The following HPSE2 variants were observed in gnomAD, a reference collection of about 807,000 sequenced individuals.
The protein encoded by HPSE2 is heparanase 2 (inactive).
Under a neutral mutation model 60.5 loss-of-function variants are expected in HPSE2, and 38 were observed. That is an observed-to-expected ratio of 0.63 (90% CI 0.48 to 0.82). The LOEUF (loss-of-function observed/expected upper bound fraction) is 0.82, where lower values mean the gene tolerates loss of function less well. Among genes scored for constraint, HPSE2 ranks in the 40% least tolerant of loss-of-function variants. The pLI is 0.00. For synonymous variants in HPSE2, 295 were observed against 293.2 expected (o/e 1.01, Z -0.06); for missense variants, 713 against 740.4 (o/e 0.96, Z 0.43).
intron 5 of HPSE2, among the ~76,000 whole-genome samples, chr10:98,703,081 C>G (rs1178239282): frequency 6.6e-6 from 1 of 151,970 alleles, no homozygotes. Context: ...CAAACAGACA[C>G]AATAAAAAAT....
chr10:99,302,355 G>A, the HPSE2 span, among the ~76,000 whole-genome samples: 1 of 144,848 alleles, frequency 6.9e-6, no homozygotes, highest in African/African-American at 2.4e-5. Context: ...TGAGATCCTG[G>A]AACTTTTAGA....
intron 9 of HPSE2, among the ~76,000 whole-genome samples, chr10:98,530,547 T>C (rs1377070551): frequency 6.6e-6 from 1 of 152,216 alleles, no homozygotes; most frequent in Non-Finnish European, 1.5e-5. Flanking sequence ...CATGAGGTCA[T>C]ACAGGAGAGC....
chr10:98,850,131 G>T (rs1952134155), intron 3 of HPSE2, among the ~76,000 whole-genome samples: 1 of 152,058 alleles, frequency 6.6e-6, no homozygotes, highest in Non-Finnish European at 1.5e-5. Context: ...ATTCAATACA[G>T]CAATGGCATC....
At chr10:98,520,493 G>C (rs1369215777) in intron 9 of HPSE2, among the ~76,000 whole-genome samples, 1 of 152,026 alleles carries the variant, frequency 6.6e-6, no homozygotes, top group Non-Finnish European at 1.5e-5. Context: ...GCTTTCACAG[G>C]GCCCACTAAA....
intron 9 of HPSE2, among the ~76,000 whole-genome samples, chr10:98,543,931 A>C (rs1316655482): frequency 1.3e-5 from 2 of 150,958 alleles, no homozygotes; most frequent in Non-Finnish European, 3.0e-5. Flanking sequence ...AAAGACAGAA[A>C]GTTAACAAGG....
intron 9 of HPSE2, among the ~76,000 whole-genome samples, chr10:98,565,159 T>TTG (rs879638158): frequency 7.0e-4 from 106 of 150,386 alleles, no homozygotes; most frequent in Non-Finnish European, 1.3e-3. Context: ...CTTGAAGAAT[T>TTG]TTTTTTTTTT....
rs563797895 is a variant in HPSE2 at position 98,687,028 on chromosome 10, A to G, written c.1004+6872T>C. Among the ~76,000 whole-genome samples, 11 of 152,058 alleles carry G rather than the reference A, an allele frequency of 7.2e-5. No individual in the cohort carries two copies. The South Asian group carries it at 2.1e-3, about 29-fold the overall frequency. ...AAGTGTTTCTAAATTTCCAACTATG[A>G]TAGTGGATTTTTCTATTTTTTTCTC... On this transcript the variant is annotated intron_variant, in intron 6 of 11. Transcript: ENST00000370552.
chr10:98,858,600 C>G (rs1952375100), intron 3 of HPSE2, among the ~76,000 whole-genome samples: 4 of 152,074 alleles, frequency 2.6e-5, no homozygotes, highest in Admixed American at 2.6e-4. Flanking sequence ...CTGAAAAAGC[C>G]TCTGTGGAAT....
intron 3 of HPSE2, among the ~76,000 whole-genome samples, chr10:98,943,225 G>C (rs953262066): frequency 2.0e-5 from 3 of 149,412 alleles, no homozygotes; most frequent in Non-Finnish European, 4.5e-5. Flanking sequence ...AAAACTTAAA[G>C]TATAATAATA....
chr10:99,163,627 T>C (rs1355336041), intron 2 of HPSE2, among the ~76,000 whole-genome samples: 1 of 152,234 alleles, frequency 6.6e-6, no homozygotes, highest in Non-Finnish European at 1.5e-5. Flanking sequence ...ATTAGGTGCA[T>C]ACTTTATTTA....
chr10:98,703,141 GA>G (rs1355734837), intron 5 of HPSE2, among the ~76,000 whole-genome samples: 1 of 152,126 alleles, frequency 6.6e-6, no homozygotes, highest in East Asian at 1.9e-4. Context: ...ACTACCATCA[GA>G]AAATGCTATA....
intron 11 of HPSE2, among the ~76,000 whole-genome samples, chr10:98,476,803 G>A (rs896089216): frequency 2.6e-5 from 4 of 151,854 alleles, no homozygotes; most frequent in Admixed American, 1.3e-4. Flanking sequence ...AAAAAGGGGC[G>A]GGACGGTCTG....
chr10:98,545,216 A>C lies in HPSE2; in HGVS notation c.1321-55020T>G, dbSNP rs559101865. Among the ~76,000 whole-genome samples, 88 of 152,054 alleles carry C rather than the reference A, an allele frequency of 5.8e-4. 2 individuals carry two copies. Among genetic ancestry groups the C allele is most frequent in the Admixed American group, 5.8e-3 (88 of 15,270 alleles). On this transcript the variant is annotated intron_variant, in intron 9 of 11. Coordinates refer to ENST00000370552, the MANE Select transcript of HPSE2 (RefSeq NM_021828.5). The stretch of plus-strand genomic sequence containing the variant: ...CCAGATGGATTCACAGCCAAATTCT[A>C]CCAGAGGTACAAGGAGGAACTGGTA...
At chr10:98,494,431 T>C (rs1280464418) in intron 9 of HPSE2, among the ~76,000 whole-genome samples, 1 of 152,158 alleles carries the variant, frequency 6.6e-6, no homozygotes, top group Non-Finnish European at 1.5e-5. Flanking sequence ...CACTTTTAAA[T>C]AAGGAAGAGG....
rs1849731017 is a variant in HPSE2 at position 99,233,343 on chromosome 10, CTTGGGGCCG to C, written c.291-847_291-839del. Among the ~76,000 whole-genome samples, 6 of 152,190 alleles carry C rather than the reference CTTGGGGCCG, an allele frequency of 3.9e-5. No homozygotes were observed. In the South Asian group the frequency reaches 1.2e-3, roughly 32 times the overall value. ...TAGGCTCCATCTTTCTTCTTTCCCACTTGGGGCCGTTTGGAACCGCTAGGGAAAATGAAG... is the reference window on the plus strand; with the variant it reads ...TAGGCTCCATCTTTCTTCTTTCCCACTTTGGAACCGCTAGGGAAAATGAAG... On this transcript the variant is annotated intron_variant, in intron 1 of 11. Coordinates refer to ENST00000370552, the MANE Select transcript of HPSE2 (RefSeq NM_021828.5).
rs1565129796 is a variant in HPSE2 at position 98,744,054 on chromosome 10, T to C, written c.613A>G (p.Arg205Gly). Residue 205 changes from arginine (R) to glycine (G), a missense_variant and splice_region_variant, in exon 4 of 12, where the codon AGG becomes GGG. By Grantham distance (125) the Arg-to-Gly change is moderately radical. Coordinates refer to ENST00000370552, the MANE Select transcript of HPSE2 (RefSeq NM_021828.5). ...NTYSNLILTA[R>G]SLDKLYNFAD... The stretch of plus-strand genomic sequence containing the variant: ...AAGTTATAAAGTTTGTCTAGAGACC[T>C]GGCTGGGAAGAAGCAGAGAAAGGCT... 2 of 1,613,932 alleles carry C rather than the reference T, an allele frequency of 1.2e-6. No homozygotes were observed. The highest frequency in any genetic ancestry group is 1.7e-6 in the Non-Finnish European group (2 of 1,179,870).
chr10:99,131,652 C>T (rs1845389008), intron 3 of HPSE2, among the ~76,000 whole-genome samples: 1 of 152,080 alleles, frequency 6.6e-6, no homozygotes, highest in Admixed American at 6.5e-5. Flanking sequence ...ATTGGAAAAC[C>T]AAACATTGTA....
intron 9 of HPSE2, among the ~76,000 whole-genome samples, chr10:98,494,142 AAATTT>A (rs1027681947): frequency 1.3e-5 from 2 of 152,304 alleles, no homozygotes; most frequent in Admixed American, 1.3e-4. Flanking sequence ...ACTTGAACAT[AAATTT>A]AATTTATTTA....
At chr10:98,598,165 G>A (rs1945299874) in intron 9 of HPSE2, among the ~76,000 whole-genome samples, 1 of 151,768 alleles carries the variant, frequency 6.6e-6, no homozygotes, top group Admixed American at 6.6e-5. Context: ...GTTGCCTTAG[G>A]TTGATATCTG....
Sources: gnomAD v4.1 joint callset for allele counts (sites outside exome capture counted in the v4.1 genomes callset) on GRCh38, gnomAD v4.1.1 for gene constraint, MANE v1.5 for transcripts, NCBI Gene and HGNC (gene_info 2026-07-23, HGNC 2026-07-21) for gene names.